Variants in SLC38A6 observed in about 807,000 individuals in gnomAD.
The protein encoded by SLC38A6 is N system amino acid transporter NAT-1.
Under a neutral mutation model 65.0 loss-of-function variants are expected in SLC38A6, and 73 were observed. The observed-to-expected ratio is 1.12, with a 90% CI of 0.93 to 1.37. SLC38A6 has a LOEUF of 1.37. SLC38A6 is among the 40% of genes most tolerant of loss of function. The probability of loss-of-function intolerance (pLI) is 0.00; values close to 1 mark genes in which losing one functional copy is unlikely to be tolerated. For missense variants in SLC38A6, 561 were observed against 531.1 expected (o/e 1.06, Z -0.55); for synonymous variants, 183 against 178.8 (o/e 1.02, Z -0.19).
chr14:61,033,837 G>A (rs1044107358), intron 6 of SLC38A6, among the ~76,000 whole-genome samples: 1 of 152,154 alleles, frequency 6.6e-6, no homozygotes, highest in African/African-American at 2.4e-5. Flanking sequence ...AATGATTAAC[G>A]ATAACCAGTA....
At chr14:61,006,788 A>T (rs2039155945) in intron 3 of SLC38A6, among the ~76,000 whole-genome samples, 2 of 152,152 alleles carry the variant, frequency 1.3e-5, no homozygotes, top group Admixed American at 1.3e-4. Context: ...ATCTAGAACT[A>T]GAAATACCAT....
Position 60,982,591 on chromosome 14 carries a change from C to A in SLC38A6, c.189C>A (p.Ile63=), listed in dbSNP as rs370008636. 4 of 1,613,816 alleles carry A rather than the reference C, an allele frequency of 2.5e-6. No homozygotes were observed. Among genetic ancestry groups the A allele is most frequent in the Non-Finnish European group, 3.4e-6 (4 of 1,179,992 alleles). Reference sequence around the variant, plus strand: ...TGAATGCCATCATGGGAAGTGGCATCCTTGGCTTAGCTTATGTTTTGGCTA... The same window carrying A: ...TGAATGCCATCATGGGAAGTGGCATACTTGGCTTAGCTTATGTTTTGGCTA... ...NLMNAIMGSG[I]LGLAYVLANT... The change falls in exon 2 of 16, where the codon ATC becomes ATA. Residue 63 remains isoleucine (I), a synonymous_variant. Transcript: ENST00000267488.
chr14:61,031,945 T>C (rs550155948), intron 6 of SLC38A6, among the ~76,000 whole-genome samples: 23 of 152,038 alleles, frequency 1.5e-4, no homozygotes, highest in African/African-American at 5.3e-4. Context: ...TTAGGTTTTT[T>C]TATGTGATAT....
intron 16 of SLC38A6, among the ~76,000 whole-genome samples, chr14:61,080,166 A>G (rs115828058): frequency 0.021 from 3,182 of 152,146 alleles, 117 homozygotes; most frequent in African/African-American, 0.073. Flanking sequence ...TTAAAGAACT[A>G]TTTCTTCCTA....
At chr14:61,075,259 A>C (rs1035501408) in intron 15 of SLC38A6, among the ~76,000 whole-genome samples, 1 of 152,208 alleles carries the variant, frequency 6.6e-6, no homozygotes, top group African/African-American at 2.4e-5. Context: ...CAGTAGACAC[A>C]AAAATACCTT....
chr14:61,024,014 A>G (rs2040483334), intron 5 of SLC38A6, among the ~76,000 whole-genome samples: 1 of 152,196 alleles, frequency 6.6e-6, no homozygotes, highest in African/African-American at 2.4e-5. Flanking sequence ...TACTCCTTCA[A>G]GAGCAAAAAG....
chr14:61,071,257 G>C (rs891178219), intron 15 of SLC38A6, among the ~76,000 whole-genome samples: 23 of 151,938 alleles, frequency 1.5e-4, no homozygotes, highest in African/African-American at 4.8e-4. Flanking sequence ...TGTTATCTTT[G>C]TATACATATG....
At chr14:61,080,900 C>T (rs529444079) in intron 16 of SLC38A6, among the ~76,000 whole-genome samples, 2 of 152,222 alleles carry the variant, frequency 1.3e-5, no homozygotes, top group South Asian at 4.1e-4. Context: ...TGATGTCACA[C>T]ACGCATTGTC....
intron 15 of SLC38A6, among the ~76,000 whole-genome samples, chr14:61,064,500 A>C (rs1319910497): frequency 1.3e-5 from 2 of 151,424 alleles, no homozygotes; most frequent in Admixed American, 6.6e-5. Context: ...AACACTGCAC[A>C]AAACTTAGTA....
intron 10 of SLC38A6, among the ~76,000 whole-genome samples, chr14:61,044,872 G>C (rs1026352896): frequency 4.6e-5 from 7 of 152,120 alleles, no homozygotes; most frequent in Non-Finnish European, 8.8e-5. Context: ...AATATTTTCA[G>C]TATTCCCTTG....
At chr14:61,046,863 A>G (rs925543543) in intron 12 of SLC38A6, among the ~76,000 whole-genome samples, 11 of 152,204 alleles carry the variant, frequency 7.2e-5, no homozygotes, top group Admixed American at 3.3e-4. Context: ...CAATGTGAGC[A>G]TGGTGCCCTG....
At chr14:60,993,957 A>G (rs137997885) in intron 3 of SLC38A6, among the ~76,000 whole-genome samples, 84 of 152,360 alleles carry the variant, frequency 5.5e-4, no homozygotes, top group African/African-American at 1.9e-3. Context: ...AGGATGTGGG[A>G]CAACAGGAAC....
At chr14:60,996,976 G>T (rs1360118081) in intron 3 of SLC38A6, among the ~76,000 whole-genome samples, 1 of 152,164 alleles carries the variant, frequency 6.6e-6, no homozygotes, top group Non-Finnish European at 1.5e-5. Flanking sequence ...CCCTTACTTA[G>T]TGAACAATAG....
intron 13 of SLC38A6, 103 bp from the exon 14 acceptor site, chr14:61,051,684 T>C: frequency 7.8e-7 from 1 of 1,280,130 alleles, no homozygotes; most frequent in Non-Finnish European, 1.1e-6. Flanking sequence ...ATCTAAATGA[T>C]GTAGGAGGCA....
At chr14:61,036,960 C>CTCTGTGTGTG in intron 6 of SLC38A6, 99 bp from the exon 7 acceptor site, 2 of 437,098 alleles carry the variant, frequency 4.6e-6, no homozygotes, top group Non-Finnish European at 8.2e-6. Flanking sequence ...GGTTATAACT[C>CTCTGTGTGTG]TGTGTGTGTG....
chr14:60,998,774 C>T (rs2038476316), intron 3 of SLC38A6, among the ~76,000 whole-genome samples: 1 of 152,216 alleles, frequency 6.6e-6, no homozygotes, highest in African/African-American at 2.4e-5. Flanking sequence ...GCCCCCTACA[C>T]CTGCCGGTCT....
intron 15 of SLC38A6, among the ~76,000 whole-genome samples, chr14:61,065,247 G>A (rs897467041): frequency 1.3e-5 from 2 of 152,126 alleles, no homozygotes; most frequent in Non-Finnish European, 2.9e-5. Flanking sequence ...GCATTTGACG[G>A]GTAGCACGTT....
chr14:61,008,456 A>G (rs562450590), intron 3 of SLC38A6, among the ~76,000 whole-genome samples: 15 of 152,276 alleles, frequency 9.9e-5, no homozygotes, highest in South Asian at 8.3e-4. Flanking sequence ...TATCTTGAGA[A>G]GATTTATTGG....
chr14:61,012,593 T>C (rs747534978), intron 3 of SLC38A6, among the ~76,000 whole-genome samples: 1 of 152,228 alleles, frequency 6.6e-6, no homozygotes, highest in Non-Finnish European at 1.5e-5. Context: ...GTCTTTGTTC[T>C]TGTTGATTTG....
Sources: gnomAD v4.1 joint callset for allele counts (sites outside exome capture counted in the v4.1 genomes callset) on GRCh38, gnomAD v4.1.1 for gene constraint, MANE v1.5 for transcripts, NCBI Gene and HGNC (gene_info 2026-07-23, HGNC 2026-07-21) for gene names.